The following DNAH10 variants were observed in gnomAD, a reference collection of about 807,000 sequenced individuals.
DNAH10 encodes axonemal beta dynein heavy chain 10.
In DNAH10, 348 loss-of-function variants were observed where a neutral mutation model predicts 506.6. The ratio of observed to expected loss-of-function variants is 0.69; its 90% confidence interval spans 0.63 to 0.75. DNAH10 has a LOEUF of 0.75. DNAH10 is among the 30% of genes least tolerant of loss of function. The pLI, the probability that DNAH10 is intolerant of heterozygous loss-of-function variation, is 0.00. For synonymous variants in DNAH10, 2,059 were observed against 2,198.6 expected (o/e 0.94, Z 1.78); for missense variants, 5,179 against 5,787.1 (o/e 0.89, Z 3.41).
chr12:123,778,117 C>T (rs7137310), intron 5 of DNAH10, among the ~76,000 whole-genome samples: 102,143 of 151,726 alleles, frequency 0.67, 35,226 homozygotes, highest in East Asian at 1. Flanking sequence ...GTGGGAGGAT[C>T]GCTTGAACCC....
intron 5 of DNAH10, among the ~76,000 whole-genome samples, chr12:123,777,341 A>G (rs892632274): frequency 1.5e-4 from 23 of 152,238 alleles, no homozygotes; most frequent in African/African-American, 5.3e-4. Context: ...ACAATGCTTC[A>G]CTGAAGAAGG....
In DNAH10 at chr12:123,870,378, C is replaced by T. The variant is rs1190776445; in HGVS notation, c.7532C>T (p.Thr2511Ile). The change falls in exon 44 of 79, where the codon ACC (threonine) becomes ATC (isoleucine). Residue 2511 changes from threonine to isoleucine, a missense_variant. By Grantham distance (89) the Thr-to-Ile change is moderately conservative. Coordinates refer to ENST00000673944, the MANE Select transcript of DNAH10 (RefSeq NM_001372106.1). ...NPGELPGQLP[T>I]LYDFHFDNKR... Reference sequence around the variant, plus strand: ...TGATTTCCTGCAGGTCAACTTCCAACCTTGTATGACTTTCATTTTGATAAC... The same window carrying T: ...TGATTTCCTGCAGGTCAACTTCCAATCTTGTATGACTTTCATTTTGATAAC... The T allele has an allele frequency of 1.9e-6, 3 of 1,613,650 alleles. No homozygotes were observed. The highest frequency in any genetic ancestry group is 3.3e-5 in the Admixed American group (2 of 59,964).
intron 36 of DNAH10, among the ~76,000 whole-genome samples, chr12:123,854,987 C>T (rs1041738272): frequency 1.6e-4 from 24 of 152,156 alleles, no homozygotes; most frequent in Non-Finnish European, 1.9e-4. Context: ...TCACAAATAC[C>T]ACCACCTCAG....
rs761040493 is a variant in DNAH10, at chr12:123,875,387, G to A, written c.8095G>A (p.Val2699Ile). The change falls in exon 47 of 79, where the codon GTT (valine) becomes ATT (isoleucine). Residue 2699 changes from valine to isoleucine, a missense_variant. Around this residue, in one of 3 missense-constraint regions of DNAH10, gnomAD observed 4,844 missense variants for 5,430.5 expected, o/e 0.89. Coordinates refer to ENST00000673944, the MANE Select transcript of DNAH10 (RefSeq NM_001372106.1). Reference protein sequence around the residue: ...MGKAGGGRNEVDPRFISLFSV... With the variant: ...MGKAGGGRNEIDPRFISLFSV... ...AAAGGCTGGAGGAGGCCGCAATGAA[G>A]TTGACCCAAGATTTATTTCGCTATT... 1.9e-6 allele frequency: 3 copies of A among 1,613,928 alleles called. No individual in the cohort carries two copies. The highest frequency in any genetic ancestry group is 2.7e-5 in the African/African-American group (2 of 74,932).
chr12:123,872,332 A>G (rs2136980727), intron 45 of DNAH10, among the ~76,000 whole-genome samples: 1 of 151,918 alleles, frequency 6.6e-6, no homozygotes, highest in East Asian at 1.9e-4. Context: ...AAACATGGAG[A>G]TGTGCACAGG....
intron 12 of DNAH10, among the ~76,000 whole-genome samples, chr12:123,795,518 T>C (rs1490699856): frequency 6.6e-6 from 1 of 152,216 alleles, no homozygotes; most frequent in Non-Finnish European, 1.5e-5. Flanking sequence ...GTGGCCACTT[T>C]CACTTCAGAT....
At chr12:123,893,744 G>A (rs1267224745) in intron 53 of DNAH10, among the ~76,000 whole-genome samples, 5 of 152,198 alleles carry the variant, frequency 3.3e-5, no homozygotes, top group Non-Finnish European at 4.4e-5. Flanking sequence ...AGCCTTTAGA[G>A]CAGAGGTTCC....
intron 44 of DNAH10, 146 bp downstream of exon 44, chr12:123,870,631 G>A (rs1594245910): frequency 8.3e-7 from 1 of 1,206,118 alleles, no homozygotes; most frequent in East Asian, 2.6e-5. Flanking sequence ...GGTGAGCTGT[G>A]GGCCCTCCTG....
chr12:123,820,044 G>A (rs1037343088), intron 23 of DNAH10, among the ~76,000 whole-genome samples: 1 of 152,104 alleles, frequency 6.6e-6, no homozygotes, highest in African/African-American at 2.4e-5. Flanking sequence ...TAAATACCAT[G>A]AGACAAAAAA....
intron 47 of DNAH10, among the ~76,000 whole-genome samples, chr12:123,876,240 G>T (rs571675969): frequency 6.6e-6 from 1 of 152,310 alleles, no homozygotes; most frequent in East Asian, 1.9e-4. Flanking sequence ...AAAACGGTGA[G>T]GTCCGTGCTG....
intron 19 of DNAH10, among the ~76,000 whole-genome samples, chr12:123,811,632 C>G (rs1023675087): frequency 2.0e-5 from 3 of 152,174 alleles, no homozygotes; most frequent in African/African-American, 7.2e-5. Flanking sequence ...TCCCGAGTAG[C>G]TGGGACTATA....
chr12:123,928,810 G>T lies in DNAH10; in HGVS notation c.12306+223G>T, dbSNP rs1955060790. ...TCCCAGGCCTATCTCTACCAATTCTGCATGTGTCCCTAACAATATCTACGC... is the reference window on the plus strand; with the variant it reads ...TCCCAGGCCTATCTCTACCAATTCTTCATGTGTCCCTAACAATATCTACGC... On this transcript the variant is annotated intron_variant, in intron 70 of 78. Transcript: ENST00000673944. The surrounding 1 kb of genome is among the most constrained non-coding windows in gnomAD (Gnocchi z 4.9). The T allele has an allele frequency of 6.8e-6, 4 of 584,840 alleles. No homozygotes were observed. The highest frequency in any genetic ancestry group is 1.2e-5 in the Non-Finnish European group (4 of 333,568). 36.2% of individuals were successfully genotyped at this position (584,840 alleles called of 1,614,324 possible). A position where few individuals can be genotyped will look rare whatever the true frequency, so the allele number is the denominator to read the frequency against.
At chr12:123,841,877 A>T (rs1211145642) in intron 30 of DNAH10, among the ~76,000 whole-genome samples, 4 of 152,076 alleles carry the variant, frequency 2.6e-5, no homozygotes, top group Non-Finnish European at 5.9e-5. Context: ...GTAGAGAGGG[A>T]GTCTCACTGT....
rs147592237 is a variant in DNAH10, at chr12:123,924,899, G to C, written c.11767-151G>C. On this transcript the variant is annotated intron_variant, in intron 67 of 78. Transcript: ENST00000673944. Reference sequence around the variant, plus strand: ...TTTCTCAATGTCATAGCCTTTGGGGGTAGAGAATGACAGATCTGACCAGGT... The same window carrying C: ...TTTCTCAATGTCATAGCCTTTGGGGCTAGAGAATGACAGATCTGACCAGGT... 2,930 of 989,220 alleles carry C rather than the reference G, an allele frequency of 3.0e-3. 11 individuals are homozygous for C. Among genetic ancestry groups the C allele is most frequent in the Non-Finnish European group, 4.0e-3 (2,734 of 683,400 alleles). The allele number at this position is 989,220 out of a possible 1,614,324, so 61.3% of individuals were successfully genotyped here.
intron 56 of DNAH10, among the ~76,000 whole-genome samples, chr12:123,899,983 G>A (rs1255788229): frequency 6.6e-6 from 1 of 152,240 alleles, no homozygotes; most frequent in African/African-American, 2.4e-5. Flanking sequence ...GGCCGTGAAG[G>A]GTCCCATCAA....
Position 123,787,795 on chromosome 12 carries a change from G to C in DNAH10, c.1422-9G>C. 6.2e-7 allele frequency: 1 copy of C among 1,612,136 alleles called. No homozygotes were observed. The highest frequency in any genetic ancestry group is 8.5e-7 in the Non-Finnish European group (1 of 1,179,292). On this transcript the variant is annotated splice_polypyrimidine_tract_variant and intron_variant, in intron 9 of 78. Transcript: ENST00000673944. This position sits in a 1 kb window ranked among gnomAD's most constrained non-coding sequence, Gnocchi z 4.6. The stretch of plus-strand genomic sequence containing the variant: ...CCTCCTCCCATCACGGCATCTCTTG[G>C]CTTCGCAGAGAAAATCGAGCGAGTG...
intron 36 of DNAH10, among the ~76,000 whole-genome samples, chr12:123,854,071 T>G (rs987030139): frequency 3.4e-5 from 5 of 145,338 alleles, no homozygotes; most frequent in Non-Finnish European, 6.0e-5. Flanking sequence ...ACATTTGGGT[T>G]TTTTTTTTTT....
At chr12:123,848,217 C>T (rs1951032148) in intron 33 of DNAH10, 122 bp downstream of exon 33, 6 of 1,387,366 alleles carry the variant, frequency 4.3e-6, no homozygotes, top group Non-Finnish European at 3.9e-6. Flanking sequence ...GAAAACCTTC[C>T]ACCACCACAG....
intron 23 of DNAH10, among the ~76,000 whole-genome samples, chr12:123,819,698 CTGTTTTT>C (rs1959211074): frequency 7.4e-6 from 1 of 135,154 alleles, no homozygotes; most frequent in East Asian, 2.1e-4. Context: ...TACTAAAATT[CTGTTTTT>C]TTTTTTTTTT....
Sources: gnomAD v4.1 joint callset for allele counts (sites outside exome capture counted in the v4.1 genomes callset) on GRCh38, gnomAD v4.1.1 for gene constraint, gnomAD v4.1.1 regional missense constraint, Gnocchi (gnomAD v3.1) non-coding constraint, MANE v1.5 for transcripts, NCBI Gene and HGNC (gene_info 2026-07-23, HGNC 2026-07-21) for gene names.